Variants in DPYD observed in about 807,000 individuals in gnomAD.
The protein encoded by DPYD is dihydropyrimidine dehydrogenase [NADP(+)].
A neutral mutation model predicts 116.2 loss-of-function variants in DPYD; 109 were observed. That is an observed-to-expected ratio of 0.94 (90% CI 0.80 to 1.10). The LOEUF (loss-of-function observed/expected upper bound fraction) is 1.10. DPYD is among the 50% of genes least tolerant of loss of function. DPYD has a pLI of 0.00. For synonymous variants in DPYD, 440 were observed against 432.0 expected (o/e 1.02, Z -0.23); for missense variants, 1,302 against 1,254.5 (o/e 1.04, Z -0.57).
chr1:97,353,001 G>A (rs1670230515), intron 16 of DPYD, among the ~76,000 whole-genome samples: 1 of 151,876 alleles, frequency 6.6e-6, no homozygotes. Flanking sequence ...CAGAAACAAG[G>A]TAACAAAAAG....
At chr1:97,526,230 C>CTT (rs1361673196) in intron 12 of DPYD, among the ~76,000 whole-genome samples, 1 of 152,094 alleles carries the variant, frequency 6.6e-6, no homozygotes, top group Non-Finnish European at 1.5e-5. Context: ...GCAGCCAGGC[C>CTT]TCCAGGAAGA....
At chr1:97,219,076 G>C (rs1660614865) in intron 19 of DPYD, among the ~76,000 whole-genome samples, 2 of 152,262 alleles carry the variant, frequency 1.3e-5, no homozygotes, top group East Asian at 1.9e-4. Context: ...AAAAAGGAGA[G>C]TGGCCATAAC....
intron 14 of DPYD, among the ~76,000 whole-genome samples, chr1:97,447,300 C>G (rs569011333): frequency 6.6e-6 from 1 of 152,304 alleles, no homozygotes; most frequent in Non-Finnish European, 1.5e-5. Flanking sequence ...AAAACTCCAG[C>G]AAGAGTGATA....
intron 8 of DPYD, among the ~76,000 whole-genome samples, chr1:97,623,137 G>C (rs975145445): frequency 1.4e-4 from 21 of 152,068 alleles, no homozygotes; most frequent in Non-Finnish European, 2.9e-4. Context: ...TATTGGCAAT[G>C]ACCAGTGACT....
At chr1:97,683,528 T>C (rs1237305298) in intron 7 of DPYD, among the ~76,000 whole-genome samples, 1 of 151,896 alleles carries the variant, frequency 6.6e-6, no homozygotes, top group Non-Finnish European at 1.5e-5. Context: ...ATTTTAAATA[T>C]GCAAAAATGC....
chr1:97,780,722 T>C (rs1666694476), intron 3 of DPYD, among the ~76,000 whole-genome samples: 1 of 152,148 alleles, frequency 6.6e-6, no homozygotes, highest in Non-Finnish European at 1.5e-5. Flanking sequence ...AGAAGCCAGA[T>C]GGAAACATGC....
chr1:97,621,497 C>G (rs1656630341), intron 8 of DPYD, among the ~76,000 whole-genome samples: 1 of 152,024 alleles, frequency 6.6e-6, no homozygotes, highest in Admixed American at 6.6e-5. Context: ...ATTCAAAAAT[C>G]AGCTATCTAA....
At chr1:97,249,019 T>G (rs753628183) in intron 18 of DPYD, among the ~76,000 whole-genome samples, 11 of 152,172 alleles carry the variant, frequency 7.2e-5, no homozygotes, top group Non-Finnish European at 1.3e-4. Flanking sequence ...GATGTTAAAC[T>G]TCACCAAATT....
At chr1:97,699,880 T>C (rs928706365) in intron 5 of DPYD, among the ~76,000 whole-genome samples, 8 of 152,102 alleles carry the variant, frequency 5.3e-5, no homozygotes, top group South Asian at 2.1e-4. Flanking sequence ...GTATGTGTTA[T>C]GATGTCAGTC....
intron 1 of DPYD, among the ~76,000 whole-genome samples, chr1:97,893,029 A>G (rs915030188): frequency 1.3e-5 from 2 of 151,788 alleles, no homozygotes; most frequent in African/African-American, 4.8e-5. Context: ...AGATAATGCA[A>G]AAGATGTTTA....
chr1:97,145,148 G>A (rs746115462), intron 20 of DPYD, among the ~76,000 whole-genome samples: 10 of 152,080 alleles, frequency 6.6e-5, no homozygotes, highest in African/African-American at 1.2e-4. Context: ...CTCTATGTTC[G>A]GTTGTCATTA....
chr1:97,227,847 A>G (rs950766207), intron 19 of DPYD, among the ~76,000 whole-genome samples: 3 of 152,040 alleles, frequency 2.0e-5, no homozygotes, highest in African/African-American at 7.2e-5. Context: ...ATGAAAATAA[A>G]TAAATAAAAA....
chr1:97,824,490 A>G (rs1669126952), intron 3 of DPYD, among the ~76,000 whole-genome samples: 2 of 152,224 alleles, frequency 1.3e-5, no homozygotes, highest in Admixed American at 6.5e-5. Flanking sequence ...AAAATTAAGT[A>G]AAATTAAACA....
chr1:97,297,717 A>G, intron 18 of DPYD, among the ~76,000 whole-genome samples: 1 of 152,200 alleles, frequency 6.6e-6, no homozygotes, highest in East Asian at 1.9e-4. Flanking sequence ...AGGGTTTGAG[A>G]ACATAACTAG....
chr1:97,596,013 T>G (rs1186484019), intron 8 of DPYD, among the ~76,000 whole-genome samples: 2 of 152,054 alleles, frequency 1.3e-5, no homozygotes, highest in Non-Finnish European at 2.9e-5. Flanking sequence ...TAGTCTTAAA[T>G]CTATCTTAAG....
intron 18 of DPYD, among the ~76,000 whole-genome samples, chr1:97,239,321 T>C (rs1401238136): frequency 1.3e-5 from 2 of 152,172 alleles, no homozygotes; most frequent in African/African-American, 4.8e-5. Flanking sequence ...TCAGATATCA[T>C]TTTAAATACA....
At chr1:97,837,090 G>A (rs1669805262) in intron 2 of DPYD, among the ~76,000 whole-genome samples, 1 of 152,010 alleles carries the variant, frequency 6.6e-6, no homozygotes, top group South Asian at 2.1e-4. Flanking sequence ...TTCTGGTTTT[G>A]GAGGAATAAA....
At position 97,515,924 on chromosome 1, in the gene DPYD, G is replaced by A. The variant is rs748323941; in HGVS notation, c.1542C>T (p.Ser514=). 86 of 1,612,394 alleles carry A rather than the reference G, an allele frequency of 5.3e-5. No homozygotes were observed. Among genetic ancestry groups the A allele is most frequent in the South Asian group, 5.2e-4 (47 of 91,054 alleles). ...HKYVQSQYGA[S]VSAKPELPLF... ...GGGGTAGTTCAGGCTTGGCAGAAAC[G>A]GAAGCTCCATATTGTGACTGCAAAA... Residue 514 remains serine, a synonymous_variant, in exon 13 of 23, where the codon TCC becomes TCT. Transcript: ENST00000370192.
chr1:97,340,927 T>C (rs1669557584), intron 16 of DPYD, among the ~76,000 whole-genome samples: 1 of 152,164 alleles, frequency 6.6e-6, no homozygotes, highest in Non-Finnish European at 1.5e-5. Flanking sequence ...TCCCCCAAAA[T>C]AGCTGTTTTA....
Sources: gnomAD v4.1 joint callset for allele counts (sites outside exome capture counted in the v4.1 genomes callset) on GRCh38, gnomAD v4.1.1 for gene constraint, MANE v1.5 for transcripts, NCBI Gene and HGNC (gene_info 2026-07-23, HGNC 2026-07-21) for gene names.